ATF7IP: variants seen among roughly 807,000 people sequenced by gnomAD.
ATF7IP encodes activating transcription factor 7 interacting protein, also known as activating transcription factor 7-interacting protein 1.
In ATF7IP, 23 loss-of-function variants were observed where a neutral mutation model predicts 106.4. The observed-to-expected ratio is 0.22, with a 90% CI of 0.16 to 0.31. ATF7IP has a LOEUF of 0.31. ATF7IP is among the 10% of genes least tolerant of loss of function. The probability of loss-of-function intolerance (pLI) is 1.00; values close to 1 mark genes in which losing one functional copy is unlikely to be tolerated. For synonymous variants in ATF7IP, 542 were observed against 539.0 expected (o/e 1.01, Z -0.08); for missense variants, 1,334 against 1,524.3 (o/e 0.88, Z 2.08).
intron 1 of ATF7IP, among the ~76,000 whole-genome samples, chr12:14,400,037 T>C (rs1940096659): frequency 1.3e-5 from 2 of 151,852 alleles, no homozygotes; most frequent in Admixed American, 1.3e-4. Flanking sequence ...ATGTGACTGC[T>C]GCCCTGGTTT....
intron 6 of ATF7IP, among the ~76,000 whole-genome samples, chr12:14,447,300 T>G: frequency 8.8e-6 from 1 of 114,034 alleles, no homozygotes; most frequent in Non-Finnish European, 1.9e-5. Context: ...TTTTTTTTTT[T>G]TGAGATGGAG....
chr12:14,388,014 CTTT>C (rs34633217), intron 1 of ATF7IP, among the ~76,000 whole-genome samples: 6 of 120,820 alleles, frequency 5.0e-5, no homozygotes, highest in Non-Finnish European at 6.8e-5. Flanking sequence ...TTCATTCTTT[CTTT>C]TTTTTTTTTT....
In ATF7IP at chr12:14,460,612, C is replaced by A. The variant is rs1361545634; in HGVS notation, c.2276C>A (p.Ala759Asp). 2 of 1,614,028 alleles carry A rather than the reference C, an allele frequency of 1.2e-6. No homozygotes were observed. The highest frequency in any genetic ancestry group is 1.7e-6 in the Non-Finnish European group (2 of 1,180,038). ...TCAGTTCTTCCTGCACCCAATACAG[C>A]TACTGTAGTTGCTACTACTCAGGTG... ...ATSVLPAPNT[A>D]TVVATTQVPS... The change falls in exon 9 of 15, where the codon GCT becomes GAT. Residue 759 changes from alanine to aspartate, a missense_variant. Physicochemically the swap from Ala to Asp is moderately radical, Grantham distance 126. Coordinates refer to ENST00000261168, the MANE Select transcript of ATF7IP (RefSeq NM_018179.5).
chr12:14,476,185 G>A (rs759786435), intron 11 of ATF7IP: 161 of 420,250 alleles, frequency 3.8e-4, no homozygotes, highest in Non-Finnish European at 1.2e-4. Context: ...AAGGCAGGAG[G>A]ATCGAGGCAA....
At position 14,446,684 on chromosome 12, in the gene ATF7IP, A is replaced by G. The variant is rs1942974978; in HGVS notation, c.1930-304A>G. On this transcript the variant is annotated intron_variant, in intron 5 of 14. Transcript: ENST00000261168. ...AACTGTGTTAAAAAAATAACAAAAC[A>G]CAGGCTTACATATTCAGGAATGTAC... Among the ~76,000 whole-genome samples, 3 of 152,300 alleles carry G rather than the reference A, an allele frequency of 2.0e-5. No homozygotes were observed. In the South Asian group the frequency reaches 6.2e-4, roughly 32 times the overall value.
intron 1 of ATF7IP, chr12:14,423,624 A>T (rs1591830047): frequency 6.2e-6 from 1 of 161,168 alleles, no homozygotes; most frequent in Admixed American, 8.3e-5. Flanking sequence ...TTTTTGCTTA[A>T]ACATCTCCAT....
chr12:14,374,585 T>C (rs1272614314), intron 1 of ATF7IP, among the ~76,000 whole-genome samples: 1 of 152,048 alleles, frequency 6.6e-6, no homozygotes, highest in Non-Finnish European at 1.5e-5. Flanking sequence ...CAGAAAGTGG[T>C]GAGAGTGTTG....
intron 1 of ATF7IP, among the ~76,000 whole-genome samples, chr12:14,414,030 A>G (rs1941067677): frequency 3.9e-5 from 6 of 152,172 alleles, no homozygotes; most frequent in Admixed American, 3.9e-4. Flanking sequence ...AGTTGAGGAA[A>G]CTGAACTCCA....
intron 2 of ATF7IP, among the ~76,000 whole-genome samples, chr12:14,428,853 A>T (rs1941992847): frequency 6.6e-6 from 1 of 152,236 alleles, no homozygotes; most frequent in East Asian, 1.9e-4. Context: ...AAAGAACTAA[A>T]AAAGTGTTGC....
chr12:14,400,079 A>C (rs959470519), intron 1 of ATF7IP, among the ~76,000 whole-genome samples: 2 of 152,350 alleles, frequency 1.3e-5, no homozygotes, highest in Middle Eastern at 3.4e-3. Context: ...ATGTCTGATG[A>C]ACTTAACTGT....
chr12:14,376,896 A>G (rs1481371731), intron 1 of ATF7IP, among the ~76,000 whole-genome samples: 2 of 151,898 alleles, frequency 1.3e-5, no homozygotes, highest in Non-Finnish European at 2.9e-5. Context: ...ACTACACTCC[A>G]GCGTGGGTGA....
intron 10 of ATF7IP, among the ~76,000 whole-genome samples, chr12:14,472,722 G>A (rs149318314): frequency 2.0e-3 from 298 of 152,080 alleles, no homozygotes; most frequent in Admixed American, 5.2e-3. Flanking sequence ...TCACTCCTGG[G>A]ATTCAGTTAC....
At chr12:14,448,073 T>C (rs1943055479) in intron 6 of ATF7IP, among the ~76,000 whole-genome samples, 1 of 152,158 alleles carries the variant, frequency 6.6e-6, no homozygotes, top group Non-Finnish European at 1.5e-5. Context: ...TTTTTTGTTT[T>C]TAATTTTTTT....
intron 1 of ATF7IP, among the ~76,000 whole-genome samples, chr12:14,388,522 G>C (rs1186604428): frequency 6.6e-6 from 1 of 150,978 alleles, no homozygotes; most frequent in Non-Finnish European, 1.5e-5. Flanking sequence ...AATTTTTGTA[G>C]TTTTAGTAGA....
In ATF7IP at chr12:14,424,794, T is replaced by A. The variant is rs1941748682; in HGVS notation, c.879T>A (p.Ser293=). ...STFDRTFEPK[S]VPVCEPVPEI... ...TTGATCGTACCTTTGAACCAAAGTC[T>A]GTACCAGTTTGTGAACCAGTTCCTG... The change falls in exon 2 of 15, where the codon TCT becomes TCA. Residue 293 remains serine (S), a synonymous_variant. Transcript: ENST00000261168. 3.1e-6 allele frequency: 5 copies of A among 1,614,020 alleles called. No homozygotes were observed. In the South Asian group the frequency reaches 5.5e-5, roughly 18 times the overall value.
intron 1 of ATF7IP, among the ~76,000 whole-genome samples, chr12:14,377,357 A>ATTT (rs748791843): frequency 1.8e-5 from 2 of 112,688 alleles, no homozygotes; most frequent in African/African-American, 3.2e-5. Flanking sequence ...GATTTATCCA[A>ATTT]TTTTTTTTTT....
chr12:14,441,235 A>G (rs1455079072), intron 5 of ATF7IP, among the ~76,000 whole-genome samples: 3 of 152,078 alleles, frequency 2.0e-5, no homozygotes, highest in Non-Finnish European at 4.4e-5. Context: ...CCTCACCAAT[A>G]CTTGTTATTT....
intron 13 of ATF7IP, among the ~76,000 whole-genome samples, chr12:14,488,716 G>T (rs1944708890): frequency 6.6e-6 from 1 of 152,144 alleles, no homozygotes; most frequent in Non-Finnish European, 1.5e-5. Context: ...TTCAAATAAA[G>T]AGGGTAATAA....
chr12:14,495,961 CG>C (rs1219504233), intron 13 of ATF7IP, among the ~76,000 whole-genome samples: 19 of 152,226 alleles, frequency 1.2e-4, no homozygotes, highest in Middle Eastern at 6.8e-3. Context: ...TATTTTCTCA[CG>C]TACTGGTGGC....
Sources: gnomAD v4.1 joint callset for allele counts (sites outside exome capture counted in the v4.1 genomes callset) on GRCh38, gnomAD v4.1.1 for gene constraint, MANE v1.5 for transcripts, NCBI Gene and HGNC (gene_info 2026-07-23, HGNC 2026-07-21) for gene names.